TMTC2: variants seen among roughly 807,000 people sequenced by gnomAD.
The protein encoded by TMTC2 is protein O-mannosyl-transferase TMTC2.
Under a neutral mutation model 82.4 loss-of-function variants are expected in TMTC2, and 43 were observed. The ratio of observed to expected loss-of-function variants is 0.52; its 90% CI spans 0.41 to 0.67. TMTC2 has a LOEUF of 0.67. TMTC2 is among the 30% of genes least tolerant of loss of function. The pLI, the probability that TMTC2 is intolerant of heterozygous loss-of-function variation, is 0.00. For synonymous variants in TMTC2, 408 were observed against 381.9 expected (o/e 1.07, Z -0.80); for missense variants, 919 against 1,012.4 (o/e 0.91, Z 1.25).
intron 1 of TMTC2, among the ~76,000 whole-genome samples, chr12:82,738,954 C>A (rs1875250816): frequency 6.6e-6 from 1 of 151,924 alleles, no homozygotes; most frequent in Non-Finnish European, 1.5e-5. Context: ...TCGAGACCAG[C>A]CTGGCCAACA....
intron 1 of TMTC2, among the ~76,000 whole-genome samples, chr12:82,688,554 G>A (rs1203956538): frequency 6.6e-6 from 1 of 152,154 alleles, no homozygotes; most frequent in African/African-American, 2.4e-5. Context: ...ATCCATTAGG[G>A]AAAATTCCAA....
chr12:83,008,311 A>G (rs1344367348), intron 8 of TMTC2, among the ~76,000 whole-genome samples: 9 of 152,072 alleles, frequency 5.9e-5, no homozygotes, highest in East Asian at 5.8e-4. Context: ...TGATATTCCA[A>G]TTGCCCATAT....
chr12:83,107,520 G>T (rs1164650019), intron 11 of TMTC2, among the ~76,000 whole-genome samples: 1 of 152,086 alleles, frequency 6.6e-6, no homozygotes, highest in East Asian at 1.9e-4. Context: ...CCTTGATTCA[G>T]ACCTTATCTA....
At chr12:82,940,955 A>G (rs989051048) in intron 4 of TMTC2, among the ~76,000 whole-genome samples, 3 of 152,080 alleles carry the variant, frequency 2.0e-5, no homozygotes, top group African/African-American at 7.2e-5. Context: ...CATGACCCAG[A>G]TTATAAAGAG....
intron 11 of TMTC2, among the ~76,000 whole-genome samples, chr12:83,082,126 T>C (rs1371080446): frequency 1.3e-5 from 2 of 152,370 alleles, no homozygotes; most frequent in African/African-American, 4.8e-5. Flanking sequence ...TTCATCTACA[T>C]TGAAGCTGCT....
chr12:83,005,330 CAAAA>C lies in TMTC2; in HGVS notation c.2070+19300_2070+19303del, dbSNP rs35332002. ...GGAAACGCAAGGAGACTCTGGTCTC[CAAAA>C]AAAAAAAAAAAAAAAGAGTAATGGC... On this transcript the variant is annotated intron_variant, in intron 8 of 11. Transcript: ENST00000321196. Among the ~76,000 whole-genome samples the C allele has an allele frequency of 8.5e-3, 895 of 105,674 alleles. 8 individuals are homozygous for C. Among genetic ancestry groups the C allele is most frequent in the African/African-American group, 0.029 (844 of 29,354 alleles). 69.3% of individuals were successfully genotyped at this position (105,674 alleles called of 152,430 possible). A position where few individuals can be genotyped will look rare whatever the true frequency, so the allele number is the denominator to read the frequency against.
chr12:82,816,415 C>T (rs192409810), intron 1 of TMTC2, among the ~76,000 whole-genome samples: 91 of 152,082 alleles, frequency 6.0e-4, no homozygotes, highest in African/African-American at 2.2e-3. Context: ...GCTCCGTTAA[C>T]ACTTGTTAAT....
intron 7 of TMTC2, among the ~76,000 whole-genome samples, chr12:82,973,867 T>G (rs1361638900): frequency 6.6e-6 from 1 of 152,216 alleles, no homozygotes; most frequent in East Asian, 1.9e-4. Flanking sequence ...AGACAGTTGA[T>G]TATATTTCAT....
intron 6 of TMTC2, chr12:82,965,977 G>T: frequency 1.8e-6 from 1 of 541,772 alleles, no homozygotes; most frequent in Non-Finnish European, 3.3e-6. Context: ...TCTTTCCTGT[G>T]AGTTTCTCAG....
chr12:83,046,039 C>T (rs1882112623), intron 9 of TMTC2, among the ~76,000 whole-genome samples: 1 of 152,142 alleles, frequency 6.6e-6, no homozygotes, highest in African/African-American at 2.4e-5. Flanking sequence ...GTGTACTTTC[C>T]TGCCTTTTAT....
At chr12:82,771,206 CAAA>C (rs56743424) in intron 1 of TMTC2, among the ~76,000 whole-genome samples, 32 of 86,982 alleles carry the variant, frequency 3.7e-4, no homozygotes, top group Non-Finnish European at 3.2e-4. Context: ...GACTCTGTCT[CAAA>C]AAAAAAAAAA....
intron 1 of TMTC2, among the ~76,000 whole-genome samples, chr12:82,850,052 C>G (rs967355850): frequency 2.0e-5 from 3 of 151,966 alleles, no homozygotes; most frequent in African/African-American, 7.3e-5. Flanking sequence ...GTACATTAAC[C>G]TTTCATCTGG....
At chr12:82,923,315 T>C (rs1875503093) in intron 3 of TMTC2, among the ~76,000 whole-genome samples, 1 of 152,210 alleles carries the variant, frequency 6.6e-6, no homozygotes, top group Non-Finnish European at 1.5e-5. Flanking sequence ...TTCATGTCCT[T>C]TGCCTATTTT....
At chr12:82,704,544 GA>G (rs1162703438) in intron 1 of TMTC2, among the ~76,000 whole-genome samples, 6 of 151,966 alleles carry the variant, frequency 3.9e-5, no homozygotes, top group Non-Finnish European at 8.8e-5. Flanking sequence ...GAAACTGGTA[GA>G]AACAGGCATA....
intron 11 of TMTC2, among the ~76,000 whole-genome samples, chr12:83,113,126 T>G (rs932967431): frequency 6.6e-6 from 1 of 152,202 alleles, no homozygotes; most frequent in Non-Finnish European, 1.5e-5. Flanking sequence ...TCTGTGTGAT[T>G]GCTTTATTGA....
intron 1 of TMTC2, among the ~76,000 whole-genome samples, chr12:82,793,361 CTTTT>C (rs1224138043): frequency 7.8e-6 from 1 of 128,488 alleles, no homozygotes; most frequent in African/African-American, 2.7e-5. Flanking sequence ...TTGACCCAGT[CTTTT>C]TTCTTTTTTT....
At chr12:83,058,051 C>G (rs184420099) in intron 10 of TMTC2, among the ~76,000 whole-genome samples, 1 of 151,928 alleles carries the variant, frequency 6.6e-6, no homozygotes, top group East Asian at 1.9e-4. Flanking sequence ...TGATTCCCAA[C>G]TTTCTCTTTA....
At chr12:82,948,684 T>C (rs915065818) in intron 4 of TMTC2, among the ~76,000 whole-genome samples, 2 of 152,192 alleles carry the variant, frequency 1.3e-5, no homozygotes, top group East Asian at 1.9e-4. Flanking sequence ...ACCCACTTTG[T>C]TGAACATTTA....
At chr12:82,689,313 A>G (rs190674815) in intron 1 of TMTC2, among the ~76,000 whole-genome samples, 13 of 151,970 alleles carry the variant, frequency 8.6e-5, no homozygotes, top group Non-Finnish European at 1.5e-4. Flanking sequence ...TTAAAAAAAG[A>G]AACTTACTAT....
Sources: allele counts gnomAD v4.1 joint callset (sites outside exome capture counted in the v4.1 genomes callset), GRCh38; gene constraint gnomAD v4.1.1; transcripts MANE v1.5; gene names NCBI Gene and HGNC (gene_info 2026-07-23, HGNC 2026-07-21).